Variants in ADAMTS9 observed in about 807,000 individuals in gnomAD.
The protein encoded by ADAMTS9 is ADAM metallopeptidase with thrombospondin type 1 motif 9.
In ADAMTS9, 107 loss-of-function variants were observed where a neutral mutation model predicts 257.1. That is an observed-to-expected ratio of 0.42 (90% CI 0.36 to 0.49). The LOEUF is 0.49. Ranked by LOEUF, ADAMTS9 falls within the 20% of genes least tolerant of loss-of-function variation. The pLI, the probability that ADAMTS9 is intolerant of heterozygous loss-of-function variation, is 0.03. For synonymous variants in ADAMTS9, 982 were observed against 880.9 expected (o/e 1.11, Z -2.03); for missense variants, 2,353 against 2,469.1 (o/e 0.95, Z 1.00).
chr3:64,672,096 T>C (rs933210880), intron 3 of ADAMTS9, among the ~76,000 whole-genome samples: 2 of 152,210 alleles, frequency 1.3e-5, no homozygotes, highest in Non-Finnish European at 2.9e-5. Context: ...AAAATCCTCC[T>C]GCCTCTGTCA....
At chr3:64,519,525 T>A (rs77279126) in intron 39 of ADAMTS9, among the ~76,000 whole-genome samples, 1 of 152,166 alleles carries the variant, frequency 6.6e-6, no homozygotes, top group Admixed American at 6.5e-5. Flanking sequence ...ATATCCCTGA[T>A]GAACATTGAC....
chr3:64,683,884 A>G (rs1701822736), intron 2 of ADAMTS9, among the ~76,000 whole-genome samples: 1 of 152,174 alleles, frequency 6.6e-6, no homozygotes. Flanking sequence ...GCATCATAAG[A>G]GAGACTCTCA....
chr3:64,643,447 T>A (rs1028779372), intron 11 of ADAMTS9, among the ~76,000 whole-genome samples: 1 of 29,352 alleles, frequency 3.4e-5, no homozygotes, highest in South Asian at 1.9e-3. Flanking sequence ...ACTCAATAAT[T>A]TTTTTTTTTT....
At chr3:64,582,011 T>C (rs998578543) in intron 28 of ADAMTS9, among the ~76,000 whole-genome samples, 2 of 152,204 alleles carry the variant, frequency 1.3e-5, no homozygotes, top group Non-Finnish European at 2.9e-5. Context: ...AATGACCTTT[T>C]TAAAGGAAAA....
At chr3:64,684,152 T>C (rs1362183129) in intron 2 of ADAMTS9, among the ~76,000 whole-genome samples, 1 of 152,104 alleles carries the variant, frequency 6.6e-6, no homozygotes, top group Non-Finnish European at 1.5e-5. Context: ...GATTGGGAGC[T>C]GAGACTGGAC....
At position 64,621,235 on chromosome 3, in the gene ADAMTS9, G is replaced by T. The variant is rs201070953; in HGVS notation, c.2692C>A (p.Arg898=). The T allele has an allele frequency of 4.3e-5, 69 of 1,611,912 alleles. No homozygotes were observed. Among genetic ancestry groups the T allele is most frequent in the Admixed American group, 1.3e-4 (8 of 59,756 alleles). The change falls in exon 19 of 40, where the codon CGG becomes AGG. Residue 898 remains arginine (R), a synonymous_variant. Coordinates refer to ENST00000498707, the MANE Select transcript of ADAMTS9 (RefSeq NM_182920.2). The stretch of plus-strand genomic sequence containing the variant: ...CTGGTGCAAACAAGTTTTCGTTTCC[G>T]TTCCCCTAAGCAGAAAGGGAAAAAA... ...QACSKPCQGE[R]KRKLVCTRES... is the part of the protein sequence containing the mutation.
At chr3:64,561,806 GC>G in intron 29 of ADAMTS9, 55 bp from the exon 30 acceptor site, 6 of 940,746 alleles carry the variant, frequency 6.4e-6, no homozygotes, top group Admixed American at 2.0e-5. Context: ...TTTTGGGGGG[GC>G]GGGGGGTGTC....
intron 30 of ADAMTS9, among the ~76,000 whole-genome samples, chr3:64,556,601 G>A (rs1055186268): frequency 6.6e-6 from 1 of 152,180 alleles, no homozygotes; most frequent in South Asian, 2.1e-4. Context: ...GATTATAGGC[G>A]TGAGCCACTG....
intron 38 of ADAMTS9, among the ~76,000 whole-genome samples, chr3:64,531,304 G>A (rs1374245504): frequency 2.0e-5 from 3 of 152,112 alleles, no homozygotes; most frequent in Admixed American, 6.5e-5. Flanking sequence ...GTCTTATTTT[G>A]ATTAGGTAGA....
At chr3:64,672,164 A>T (rs1278193353) in intron 3 of ADAMTS9, among the ~76,000 whole-genome samples, 1 of 152,204 alleles carries the variant, frequency 6.6e-6, no homozygotes, top group Non-Finnish European at 1.5e-5. Context: ...CTAAAGAAAG[A>T]TGTGCGTCTT....
At chr3:64,558,886 G>A (rs770228181) in intron 30 of ADAMTS9, among the ~76,000 whole-genome samples, 3 of 152,166 alleles carry the variant, frequency 2.0e-5, no homozygotes, top group Non-Finnish European at 4.4e-5. Context: ...CACACTCTCT[G>A]ACCTCAGGTC....
chr3:64,535,532 A>ATTTTCTTTTCTTTTC (rs1206107650), intron 37 of ADAMTS9, among the ~76,000 whole-genome samples: 1 of 133,816 alleles, frequency 7.5e-6, no homozygotes, highest in Admixed American at 7.6e-5. Context: ...TCCATTGGCC[A>ATTTTCTTTTCTTTTC]TTTTCTTTTC....
intron 39 of ADAMTS9, among the ~76,000 whole-genome samples, chr3:64,518,553 G>A (rs1449429553): frequency 6.6e-6 from 1 of 152,028 alleles, no homozygotes; most frequent in Non-Finnish European, 1.5e-5. Context: ...TGACTCCTGT[G>A]GACTTTGTTA....
chr3:64,548,597 G>GC (rs1419355077), intron 31 of ADAMTS9, among the ~76,000 whole-genome samples: 1 of 28,236 alleles, frequency 3.5e-5, no homozygotes, highest in Non-Finnish European at 6.3e-4. Flanking sequence ...CTATTTATGT[G>GC]GGGGGGAGCC....
intron 16 of ADAMTS9, among the ~76,000 whole-genome samples, chr3:64,628,540 A>G (rs1034224469): frequency 3.3e-5 from 5 of 152,184 alleles, no homozygotes; most frequent in Non-Finnish European, 7.3e-5. Flanking sequence ...AAAGAAAAAT[A>G]CTTGCCCCAT....
intron 26 of ADAMTS9, among the ~76,000 whole-genome samples, chr3:64,598,915 T>C (rs995742248): frequency 1.3e-5 from 2 of 152,158 alleles, no homozygotes; most frequent in African/African-American, 4.8e-5. Context: ...ATAGTGCTGG[T>C]CACAGGATTT....
intron 3 of ADAMTS9, among the ~76,000 whole-genome samples, chr3:64,679,606 A>T (rs536668124): frequency 9.2e-5 from 14 of 152,230 alleles, no homozygotes; most frequent in Non-Finnish European, 4.4e-5. Flanking sequence ...ATGAAGTGTC[A>T]TTGGTCAATA....
chr3:64,640,169 C>T (rs1034109842), intron 12 of ADAMTS9, among the ~76,000 whole-genome samples: 1 of 152,216 alleles, frequency 6.6e-6, no homozygotes, highest in African/African-American at 2.4e-5. Context: ...TATCTCACAG[C>T]CCTTTAGTTA....
At chr3:64,679,450 G>A (rs1394259561) in intron 3 of ADAMTS9, among the ~76,000 whole-genome samples, 2 of 152,162 alleles carry the variant, frequency 1.3e-5, no homozygotes, top group African/African-American at 2.4e-5. Flanking sequence ...AGTTAGGAAT[G>A]GTAACTACCT....
Sources: gnomAD v4.1 joint callset for allele counts (sites outside exome capture counted in the v4.1 genomes callset) on GRCh38, gnomAD v4.1.1 for gene constraint, MANE v1.5 for transcripts, NCBI Gene and HGNC (gene_info 2026-07-23, HGNC 2026-07-21) for gene names.